EED: variants seen among roughly 807,000 people sequenced by gnomAD.
EED encodes embryonic ectoderm development.
A neutral mutation model predicts 61.0 loss-of-function variants in EED; 9 were observed. The observed-to-expected ratio is 0.15, with a 90% CI of 0.09 to 0.26. The LOEUF is 0.26. Among genes scored for constraint, EED ranks in the 10% least tolerant of loss-of-function variants. EED has a pLI of 1.00. For missense variants in EED, 315 were observed against 542.3 expected, an observed-to-expected ratio of 0.58 and a Z score of 4.16; for synonymous variants, 187 against 174.4, an observed-to-expected ratio of 1.07 and a Z score of -0.57.
the EED span, among the ~76,000 whole-genome samples, chr11:86,287,487 TCTTG>T: frequency 6.6e-6 from 1 of 152,212 alleles, no homozygotes; most frequent in Admixed American, 6.5e-5. Flanking sequence ...ATTTTGCCTT[TCTTG>T]CTTGGGTACC....
At chr11:86,284,937 C>G in the EED span, among the ~76,000 whole-genome samples, 1 of 151,838 alleles carries the variant, frequency 6.6e-6, no homozygotes, top group Admixed American at 6.6e-5. Context: ...ATGGTGAAAC[C>G]TCGTCTCTAC....
At chr11:86,268,270 TAAAC>T (rs1480008228) in intron 8 of EED, 182 bp from the exon 9 acceptor site, 11 of 456,592 alleles carry the variant, frequency 2.4e-5, no homozygotes, top group East Asian at 1.8e-4. Flanking sequence ...TGGAGAAAAA[TAAAC>T]AAAAGTGGAA....
Position 86,276,967 on chromosome 11 carries a change from C to G in EED, c.967-13C>G. 1 of 1,474,340 alleles carries G rather than the reference C, an allele frequency of 6.8e-7. No individual in the cohort carries two copies. The highest frequency in any genetic ancestry group is 9.1e-7 in the Non-Finnish European group (1 of 1,103,040). 91.3% of individuals were successfully genotyped at this position (1,474,340 alleles called of 1,614,324 possible). A position where few individuals can be genotyped will look rare whatever the true frequency, so the allele number is the denominator to read the frequency against. ...ATTAACATTTCTTTTTCTCATTTCTCTCTCTGTTTTAGTCTTGTGAAAATG... is the reference window on the plus strand; with the variant it reads ...ATTAACATTTCTTTTTCTCATTTCTGTCTCTGTTTTAGTCTTGTGAAAATG... On this transcript the variant is annotated splice_polypyrimidine_tract_variant and intron_variant, in intron 9 of 11. Coordinates refer to ENST00000263360, the MANE Select transcript of EED (RefSeq NM_003797.5).
intron 9 of EED, among the ~76,000 whole-genome samples, chr11:86,269,919 T>G (rs71465624): frequency 0.011 from 1,635 of 152,346 alleles, 18 homozygotes; most frequent in Non-Finnish European, 0.019. Context: ...TTTGGTCATT[T>G]CCAGTTCTGG....
chr11:86,272,250 G>C (rs1946132521), intron 9 of EED, among the ~76,000 whole-genome samples: 1 of 149,228 alleles, frequency 6.7e-6, no homozygotes. Context: ...AGTAGAGATG[G>C]GGTTTCACTG....
intron 9 of EED, among the ~76,000 whole-genome samples, chr11:86,275,277 A>G (rs1403300458): frequency 6.6e-6 from 1 of 152,224 alleles, no homozygotes. Context: ...TTGTTCCACC[A>G]GCAGAAGTAA....
intron 9 of EED, among the ~76,000 whole-genome samples, chr11:86,269,421 A>G (rs377384511): frequency 6.6e-6 from 1 of 152,272 alleles, no homozygotes; most frequent in Non-Finnish European, 1.5e-5. Context: ...AGGATTATCA[A>G]ATTTGGTGAA....
intron 11 of EED, 58 bp from the exon 12 acceptor site, chr11:86,278,341 G>T (rs1007386785): frequency 4.4e-6 from 7 of 1,577,362 alleles, no homozygotes; most frequent in Non-Finnish European, 6.1e-6. Context: ...GCTGTTTTAG[G>T]GTAGACACTG....
At chr11:86,280,390 C>T (rs1418552809), downstream of EED, among the ~76,000 whole-genome samples, 1 of 152,144 alleles carries the variant, frequency 6.6e-6, no homozygotes, top group African/African-American at 2.4e-5. Context: ...CATGTTTATA[C>T]TCTATTTTTG....
intron 3 of EED, among the ~76,000 whole-genome samples, chr11:86,254,703 A>C (rs967157007): frequency 2.0e-5 from 3 of 150,732 alleles, no homozygotes; most frequent in African/African-American, 4.9e-5. Context: ...GCTCACTGCA[A>C]CCTCCGCCTC....
intron 1 of EED, among the ~76,000 whole-genome samples, chr11:86,247,374 T>A (rs960905903): frequency 2.0e-5 from 3 of 152,236 alleles, no homozygotes; most frequent in Non-Finnish European, 4.4e-5. Flanking sequence ...TACACCATGT[T>A]ATAAAATATT....
intron 4 of EED, among the ~76,000 whole-genome samples, chr11:86,255,570 C>G (rs1298172708): frequency 2.0e-5 from 3 of 152,024 alleles, no homozygotes; most frequent in Non-Finnish European, 2.9e-5. Flanking sequence ...CATTAGAAAT[C>G]TAGTAATAGA....
chr11:86,254,678 A>G (rs558640636), intron 3 of EED, among the ~76,000 whole-genome samples: 1 of 151,174 alleles, frequency 6.6e-6, no homozygotes, highest in South Asian at 2.1e-4. Flanking sequence ...GCTGGAGTGC[A>G]ATGGTGCAAT....
Position 86,277,908 on chromosome 11 carries a change from G to A in EED, c.1126-10G>A. 6.5e-7 allele frequency: 1 copy of A among 1,530,616 alleles called. No homozygotes were observed. The highest frequency in any genetic ancestry group is 8.7e-7 in the Non-Finnish European group (1 of 1,150,072). 94.8% of individuals were successfully genotyped at this position (1,530,616 alleles called of 1,614,324 possible). ...ATTAATTTGATGTTTTTAAAAATAT[G>A]TTTATACAGATGCTTGCATTGGGCA... On this transcript the variant is annotated splice_polypyrimidine_tract_variant and intron_variant, in intron 10 of 11. Coordinates refer to ENST00000263360, the MANE Select transcript of EED (RefSeq NM_003797.5).
At chr11:86,280,090 G>GT (rs1946305593), downstream of EED, among the ~76,000 whole-genome samples, 6 of 152,146 alleles carry the variant, frequency 3.9e-5, no homozygotes, top group East Asian at 1.2e-3. Flanking sequence ...CTTGAGGTTT[G>GT]TTTTTTAATT....
At chr11:86,277,380 T>A (rs546362092) in intron 10 of EED, 1 of 325,030 alleles carries the variant, frequency 3.1e-6, no homozygotes, top group East Asian at 4.8e-5. Flanking sequence ...GTATCAATGG[T>A]GGAAATTAGG....
At chr11:86,270,954 T>G (rs1047258379) in intron 9 of EED, among the ~76,000 whole-genome samples, 7 of 152,262 alleles carry the variant, frequency 4.6e-5, no homozygotes, top group Non-Finnish European at 1.0e-4. Flanking sequence ...TGATAGATTT[T>G]TCCCGCTTTT....
At chr11:86,256,600 T>A in intron 5 of EED, 88 bp downstream of exon 5, 1 of 1,247,780 alleles carries the variant, frequency 8.0e-7, no homozygotes, top group Non-Finnish European at 1.1e-6. Context: ...ACTAATGGTA[T>A]GAATGTAACA....
intron 9 of EED, 105 bp downstream of exon 9, chr11:86,268,666 A>G (rs1003806137): frequency 3.1e-6 from 2 of 651,514 alleles, no homozygotes; most frequent in Non-Finnish European, 2.5e-6. Context: ...GGAGCACTTT[A>G]TGTAGTTTAT....
Sources: gnomAD v4.1 joint callset for allele counts (sites outside exome capture counted in the v4.1 genomes callset) on GRCh38, gnomAD v4.1.1 for gene constraint, MANE v1.5 for transcripts, NCBI Gene and HGNC (gene_info 2026-07-23, HGNC 2026-07-21) for gene names.